The following IPP variants were observed in gnomAD, a reference collection of about 807,000 sequenced individuals.
IPP encodes intracisternal A particle-promoted polypeptide, also known as actin-binding protein IPP.
In IPP, 41 loss-of-function variants were observed where a neutral mutation model predicts 64.1. The ratio of observed to expected loss-of-function variants is 0.64; its 90% CI spans 0.50 to 0.83. The LOEUF (loss-of-function observed/expected upper bound fraction) is 0.83. IPP is among the 40% of genes least tolerant of loss of function. The pLI, the probability that IPP is intolerant of heterozygous loss-of-function variation, is 0.00. For missense variants in IPP, 649 were observed against 703.0 expected, an observed-to-expected ratio of 0.92 and a Z score of 0.87; for synonymous variants, 214 against 235.2, an observed-to-expected ratio of 0.91 and a Z score of 0.83.
At chr1:45,723,574 T>C (rs1645761717) in intron 5 of IPP, among the ~76,000 whole-genome samples, 1 of 152,248 alleles carries the variant, frequency 6.6e-6, no homozygotes, top group African/African-American at 2.4e-5. Flanking sequence ...AGTCAAAGAC[T>C]ATACAGAATT....
At chr1:45,698,274 A>G (rs552228263), downstream of IPP, among the ~76,000 whole-genome samples, 6 of 152,296 alleles carry the variant, frequency 3.9e-5, no homozygotes, top group African/African-American at 1.4e-4. Context: ...CCTGGGCAAC[A>G]AGAGCAAAAT....
intron 8 of IPP, among the ~76,000 whole-genome samples, chr1:45,703,581 C>T (rs1475872901): frequency 6.6e-6 from 1 of 151,706 alleles, no homozygotes; most frequent in South Asian, 2.1e-4. Context: ...TCATAAAGTA[C>T]ATTATTGTAC....
chr1:45,711,626 T>A (rs1645591671), intron 8 of IPP, among the ~76,000 whole-genome samples: 2 of 151,966 alleles, frequency 1.3e-5, no homozygotes, highest in Admixed American at 1.3e-4. Context: ...TGGTGGCACA[T>A]GCCTGTATTC....
intron 4 of IPP, 77 bp from the exon 5 acceptor site, chr1:45,727,875 A>C (rs1645852842): frequency 1.9e-6 from 2 of 1,055,770 alleles, no homozygotes; most frequent in Admixed American, 5.1e-5. Flanking sequence ...ACTATATAAC[A>C]AGAAATAAAT....
chr1:45,697,003 G>A (rs1417766189), downstream of IPP: 2 of 152,152 alleles, frequency 1.3e-5, no homozygotes, highest in African/African-American at 4.8e-5. Context: ...AATCTGTTTT[G>A]AATCAGAATA....
intron 2 of IPP, among the ~76,000 whole-genome samples, chr1:45,744,065 T>C (rs1303580799): frequency 6.6e-6 from 1 of 152,010 alleles, no homozygotes; most frequent in Non-Finnish European, 1.5e-5. Context: ...AAAAGAACTT[T>C]AAGACAGAAA....
In IPP at chr1:45,698,720, T is replaced by A; in HGVS notation, c.*1246A>T. 23 of 207,924 alleles carry A rather than the reference T, an allele frequency of 1.1e-4. No individual in the cohort carries two copies. Among genetic ancestry groups the A allele is most frequent in the Non-Finnish European group, 1.3e-4 (22 of 165,514 alleles). 12.9% of individuals were successfully genotyped at this position (207,924 alleles called of 1,614,324 possible). A position where few individuals can be genotyped will look rare whatever the true frequency, so the allele number is the denominator to read the frequency against. ...AAAAAAGGAAGAATTTTTTTTTCTTTTTTTTTTTTTTTTTTTGAGACAGGT... is the reference window on the plus strand; with the variant it reads ...AAAAAAGGAAGAATTTTTTTTTCTTATTTTTTTTTTTTTTTTGAGACAGGT... On this transcript the variant is annotated 3_prime_UTR_variant, in exon 9 of 9. Coordinates refer to ENST00000396478, the MANE Select transcript of IPP (RefSeq NM_005897.3).
chr1:45,703,037 GA>G (rs1008359109), intron 8 of IPP, among the ~76,000 whole-genome samples: 61 of 151,294 alleles, frequency 4.0e-4, no homozygotes, highest in African/African-American at 1.5e-3. Context: ...GGAAAACAAT[GA>G]AAAAAAATGC....
chr1:45,697,818 C>T (rs979757582), downstream of IPP: 1 of 151,622 alleles, frequency 6.6e-6, no homozygotes, highest in Admixed American at 6.6e-5. Flanking sequence ...ATTAGCCAGG[C>T]ATGGTGGCTC....
chr1:45,732,279 T>C (rs1378601695), intron 3 of IPP, among the ~76,000 whole-genome samples: 2 of 143,468 alleles, frequency 1.4e-5, no homozygotes, highest in African/African-American at 2.6e-5. Flanking sequence ...GGAGAACCGC[T>C]TGAACCCGGG....
At chr1:45,744,326 C>T (rs1646106224) in intron 2 of IPP, among the ~76,000 whole-genome samples, 1 of 152,032 alleles carries the variant, frequency 6.6e-6, no homozygotes, top group Admixed American at 6.6e-5. Flanking sequence ...GACTATACAT[C>T]GTTTTGGTGT....
intron 5 of IPP, among the ~76,000 whole-genome samples, chr1:45,724,335 C>A (rs1467269581): frequency 6.6e-6 from 1 of 151,408 alleles, no homozygotes; most frequent in Non-Finnish European, 1.5e-5. Flanking sequence ...CTCGCTACAA[C>A]CACCTCCCAG....
At chr1:45,731,558 T>G (rs1645905514) in intron 3 of IPP, among the ~76,000 whole-genome samples, 1 of 152,136 alleles carries the variant, frequency 6.6e-6, no homozygotes, top group Admixed American at 6.5e-5. Context: ...GTTCTTGTAT[T>G]AACAGAACAG....
chr1:45,702,647 G>A (rs975463139), intron 8 of IPP, among the ~76,000 whole-genome samples: 10 of 152,076 alleles, frequency 6.6e-5, no homozygotes, highest in African/African-American at 2.2e-4. Flanking sequence ...TAGAGACAGG[G>A]TTTTACCATG....
At chr1:45,727,247 G>A (rs1370320662) in intron 5 of IPP, among the ~76,000 whole-genome samples, 1 of 151,482 alleles carries the variant, frequency 6.6e-6, no homozygotes, top group Non-Finnish European at 1.5e-5. Flanking sequence ...ATAAAGTCTC[G>A]ATATATTGCC....
At chr1:45,736,612 C>T (rs1645984405) in intron 3 of IPP, among the ~76,000 whole-genome samples, 1 of 151,936 alleles carries the variant, frequency 6.6e-6, no homozygotes, top group Non-Finnish European at 1.5e-5. Context: ...TTTACTTCTC[C>T]CTTGATCGTT....
At chr1:45,736,885 A>C (rs1287748084) in intron 3 of IPP, among the ~76,000 whole-genome samples, 1 of 150,212 alleles carries the variant, frequency 6.7e-6, no homozygotes, top group Non-Finnish European at 1.5e-5. Context: ...TAAAAATACA[A>C]AAAAAAAATT....
chr1:45,715,224 G>A (rs943080069), intron 7 of IPP, among the ~76,000 whole-genome samples: 3 of 149,888 alleles, frequency 2.0e-5, no homozygotes, highest in African/African-American at 7.4e-5. Flanking sequence ...AATTACTACG[G>A]TAAAATATAA....
At chr1:45,713,851 G>A (rs906958548) in intron 8 of IPP, among the ~76,000 whole-genome samples, 10 of 152,026 alleles carry the variant, frequency 6.6e-5, no homozygotes, top group African/African-American at 2.4e-4. Flanking sequence ...GGGCCACCAC[G>A]CCTAGCAGTA....
Sources: gnomAD v4.1 joint callset for allele counts (sites outside exome capture counted in the v4.1 genomes callset) on GRCh38, gnomAD v4.1.1 for gene constraint, MANE v1.5 for transcripts, NCBI Gene and HGNC (gene_info 2026-07-23, HGNC 2026-07-21) for gene names.